The following HSP90AA1 variants were observed in gnomAD, a reference collection of about 807,000 sequenced individuals.
The protein encoded by HSP90AA1 is heat shock protein HSP 90-alpha.
A neutral mutation model predicts 73.3 loss-of-function variants in HSP90AA1; 18 were observed. The observed-to-expected ratio is 0.25, with a 90% confidence interval of 0.17 to 0.36. HSP90AA1 has a LOEUF of 0.36. HSP90AA1 is among the 10% of genes least tolerant of loss of function. The pLI is 1.00. For missense variants in HSP90AA1, 704 were observed against 874.2 expected, an observed-to-expected ratio of 0.81 and a Z score of 2.45; for synonymous variants, 477 against 296.9, an observed-to-expected ratio of 1.61 and a Z score of -6.24.
chr14:102,084,835 T>C lies in HSP90AA1; in HGVS notation c.827A>G (p.Lys276Arg), dbSNP rs779384064. ...EEEKKDGDKK[K>R]KKKIKEKYID... ...GTACTTTTCCTTAATCTTCTTCTTCTTCTTCTTGTCACCATCCTTCTTTTC... is the reference window on the plus strand; with the variant it reads ...GTACTTTTCCTTAATCTTCTTCTTCCTCTTCTTGTCACCATCCTTCTTTTC... The change falls in exon 5 of 11, where the codon AAG becomes AGG. Residue 276 changes from lysine to arginine, a missense_variant. Transcript: ENST00000216281. 1.2e-6 allele frequency: 2 copies of C among 1,604,364 alleles called. No individual in the cohort carries two copies. The highest frequency in any genetic ancestry group is 2.2e-5 in the East Asian group (1 of 44,840).
chr14:102,138,004 T>G (rs1225906535), intron 1 of HSP90AA1, among the ~76,000 whole-genome samples: 1 of 149,418 alleles, frequency 6.7e-6, no homozygotes, highest in Non-Finnish European at 1.5e-5. Flanking sequence ...ACAGCGAGAC[T>G]CCATCTAAGA....
rs535809542 is a variant in HSP90AA1 at position 102,125,803 on chromosome 14, AAG to A, written c.155+13445_155+13446del. 4.9e-4 allele frequency among the ~76,000 whole-genome samples: 74 copies of A among 152,304 alleles called. 6 individuals are homozygous for A. In the East Asian group the frequency reaches 0.014, roughly 29 times the overall value. ...GTTAAGTATTAACATAAGGTGCTAA[AAG>A]AGAATCTTTCTCAAAGGTGAGTCAC... is the stretch of plus-strand genomic sequence containing the variant. On this transcript the variant is annotated intron_variant, in intron 1 of 11. Transcript: ENST00000334701.
chr14:102,107,616 C>G (rs1034127657), intron 1 of HSP90AA1, among the ~76,000 whole-genome samples: 7 of 152,088 alleles, frequency 4.6e-5, no homozygotes, highest in African/African-American at 1.5e-4. Flanking sequence ...AGCCACCACT[C>G]CTAGCCTAGC....
intron 2 of HSP90AA1, among the ~76,000 whole-genome samples, chr14:102,099,967 G>A (rs1433843122): frequency 6.6e-6 from 1 of 152,152 alleles, no homozygotes; most frequent in Non-Finnish European, 1.5e-5. Context: ...TGGGTGGAGA[G>A]CTTGAGTCCG....
At chr14:102,101,971 T>C (rs1158020064) in exon 2 of HSP90AA1, 23 of 1,614,148 alleles carry the variant, frequency 1.4e-5, no homozygotes, top group Non-Finnish European at 1.9e-5. Context: ...TGACAGGGAA[T>C]GCAGAGACGT....
intron 1 of HSP90AA1, among the ~76,000 whole-genome samples, chr14:102,128,563 G>A (rs1274892861): frequency 6.6e-6 from 1 of 151,316 alleles, no homozygotes; most frequent in Non-Finnish European, 1.5e-5. Context: ...AGGAGGCAGA[G>A]GTTGCAGTAA....
intron 1 of HSP90AA1, among the ~76,000 whole-genome samples, chr14:102,121,709 A>G (rs1322697521): frequency 5.9e-5 from 9 of 152,208 alleles, no homozygotes; most frequent in East Asian, 5.8e-4. Context: ...TTAGAAAACA[A>G]TGAGCACCCT....
rs1238000468 is a variant in HSP90AA1 at position 102,087,001 on chromosome 14, G to A, written c.-16C>T. ...CACCCGTCACCTTGGCTAAGTGACCGCACAGGACCAACGGCACAGCCACAC... is the reference window on the plus strand; with the variant it reads ...CACCCGTCACCTTGGCTAAGTGACCACACAGGACCAACGGCACAGCCACAC... On this transcript the variant is annotated 5_prime_UTR_variant, in exon 1 of 11. Transcript: ENST00000216281. 36 of 984,920 alleles carry A rather than the reference G, an allele frequency of 3.7e-5. No individual in the cohort carries two copies. Among genetic ancestry groups the A allele is most frequent in the Admixed American group, 6.2e-5 (1 of 16,248 alleles). 61.0% of individuals were successfully genotyped at this position (984,920 alleles called of 1,614,324 possible).
intron 1 of HSP90AA1, among the ~76,000 whole-genome samples, chr14:102,126,166 G>A (rs2049836606): frequency 6.6e-6 from 1 of 152,178 alleles, no homozygotes; most frequent in African/African-American, 2.4e-5. Flanking sequence ...GATTTTTGGA[G>A]TGAAGTCTTC....
chr14:102,083,499 A>T, intron 8 of HSP90AA1, 47 bp downstream of exon 8: 2 of 1,580,656 alleles, frequency 1.3e-6, no homozygotes, highest in Non-Finnish European at 1.7e-6. Context: ...CAGAGCCTAC[A>T]AGATTGTAAG....
At chr14:102,139,304 A>C in exon 1 of HSP90AA1, 2 of 1,613,924 alleles carry the variant, frequency 1.2e-6, no homozygotes, top group Non-Finnish European at 8.5e-7. Context: ...GCGGGGATCC[A>C]GACGGTCGCG....
chr14:102,082,448 T>TA lies in HSP90AA1; in HGVS notation c.1756-5dup. On this transcript the variant is annotated splice_polypyrimidine_tract_variant and splice_region_variant and intron_variant, in intron 9 of 10. Transcript: ENST00000216281. ...CCAATCGGTTTGACACAACCACCTG[T>TA]AATCAAAAAGTGATGACTAGGAACC... is the stretch of plus-strand genomic sequence containing the variant. 1 of 1,608,650 alleles carries TA rather than the reference T, an allele frequency of 6.2e-7. No individual in the cohort carries two copies. Among genetic ancestry groups the TA allele is most frequent in the Non-Finnish European group, 8.5e-7 (1 of 1,178,230 alleles).
intron 9 of HSP90AA1, 57 bp from the exon 10 acceptor site, chr14:102,082,501 TG>T: frequency 2.1e-6 from 3 of 1,407,012 alleles, no homozygotes; most frequent in Non-Finnish European, 3.0e-6. Context: ...AAACTTTCAT[TG>T]TGAAATGAAA....
intron 1 of HSP90AA1, among the ~76,000 whole-genome samples, chr14:102,105,623 C>T (rs1462519321): frequency 1.3e-5 from 2 of 152,152 alleles, no homozygotes; most frequent in Non-Finnish European, 2.9e-5. Flanking sequence ...GGAGACAGGG[C>T]CTGCATCTGC....
intron 9 of HSP90AA1, chr14:102,082,780 T>C (rs1384622644): frequency 3.9e-6 from 2 of 509,580 alleles, no homozygotes; most frequent in East Asian, 3.8e-5. Context: ...CCACCACGCC[T>C]GGTTTATTTT....
chr14:102,136,962 C>G (rs1388371624), intron 1 of HSP90AA1, among the ~76,000 whole-genome samples: 2 of 151,740 alleles, frequency 1.3e-5, no homozygotes, highest in Non-Finnish European at 2.9e-5. Context: ...GCCTGTAATC[C>G]TAGCACTCTG....
intron 5 of HSP90AA1, 41 bp downstream of exon 5, chr14:102,084,638 TGA>T: frequency 1.2e-6 from 2 of 1,614,094 alleles, no homozygotes; most frequent in Non-Finnish European, 1.7e-6. Flanking sequence ...TGGAGAAAGA[TGA>T]TAATCTAAGG....
upstream of HSP90AA1, among the ~76,000 whole-genome samples, chr14:102,088,619 C>T (rs1391575925): frequency 6.6e-6 from 1 of 152,208 alleles, no homozygotes; most frequent in African/African-American, 2.4e-5. Context: ...GTAGCTGTTG[C>T]GCAGCCTGGG....
At chr14:102,129,868 C>A (rs979716236) in intron 1 of HSP90AA1, among the ~76,000 whole-genome samples, 1 of 152,220 alleles carries the variant, frequency 6.6e-6, no homozygotes, top group East Asian at 1.9e-4. Context: ...TTTTGTTTAT[C>A]CATTCATTAG....
Sources: gnomAD v4.1 joint callset for allele counts (sites outside exome capture counted in the v4.1 genomes callset) on GRCh38, gnomAD v4.1.1 for gene constraint, MANE v1.5 for transcripts, NCBI Gene and HGNC (gene_info 2026-07-23, HGNC 2026-07-21) for gene names.